TBC1D17: variants seen among roughly 807,000 people sequenced by gnomAD.
The protein encoded by TBC1D17 is TBC1 domain family, member 17.
TBC1D17 carries 69 observed loss-of-function variants against 78.8 expected under a neutral mutation model. The ratio of observed to expected loss-of-function variants is 0.88; its 90% CI spans 0.72 to 1.07. The LOEUF is 1.07. Ranked by LOEUF, TBC1D17 falls within the 50% of genes least tolerant of loss-of-function variation. The probability of loss-of-function intolerance (pLI) is 0.00; values close to 1 mark genes in which losing one functional copy is unlikely to be tolerated. For missense variants in TBC1D17, 957 were observed against 861.0 expected, an observed-to-expected ratio of 1.11 and a Z score of -1.39; for synonymous variants, 456 against 358.3, an observed-to-expected ratio of 1.27 and a Z score of -3.08.
intron 10 of TBC1D17, 51 bp from the exon 11 acceptor site, chr19:49,884,202 A>C (rs1370626915): frequency 6.5e-7 from 1 of 1,547,352 alleles, no homozygotes; most frequent in Admixed American, 1.7e-5. Context: ...GCCAGCAGGG[A>C]TGGGCCCCCC....
intron 13 of TBC1D17, among the ~76,000 whole-genome samples, chr19:49,886,170 C>G (rs1307317273): frequency 1.3e-5 from 2 of 151,912 alleles, no homozygotes; most frequent in African/African-American, 4.8e-5. Context: ...ATCCCAGCTA[C>G]TCAGGAGGCT....
Position 49,888,628 on chromosome 19 carries a change from C to G in TBC1D17, c.*4C>G. On this transcript the variant is annotated 3_prime_UTR_variant, in exon 17 of 17. Transcript: ENST00000221543. Reference sequence around the variant, plus strand: ...GGACGAGGGCGCCGACTCCTAACCCCGCCAGGCAGCCTCGTTCTGCACAGG... The same window carrying G: ...GGACGAGGGCGCCGACTCCTAACCCGGCCAGGCAGCCTCGTTCTGCACAGG... 1 of 1,532,892 alleles carries G rather than the reference C, an allele frequency of 6.5e-7. No individual in the cohort carries two copies. Among genetic ancestry groups the G allele is most frequent in the Non-Finnish European group, 8.7e-7 (1 of 1,144,636 alleles). 95.0% of individuals were successfully genotyped at this position (1,532,892 alleles called of 1,614,324 possible). A position where few individuals can be genotyped will look rare whatever the true frequency, so the allele number is the denominator to read the frequency against.
At position 49,884,708 on chromosome 19, in the gene TBC1D17, G is replaced by GACTGCT; in HGVS notation, c.1395_1400dup (p.Leu469_Leu470dup). 1 of 1,614,078 alleles carries GACTGCT rather than the reference G, an allele frequency of 6.2e-7. No individual in the cohort carries two copies. Among genetic ancestry groups the GACTGCT allele is most frequent in the Non-Finnish European group, 8.5e-7 (1 of 1,180,028 alleles). On this transcript the variant is annotated inframe_insertion, in exon 13 of 17. Coordinates refer to ENST00000221543, the MANE Select transcript of TBC1D17 (RefSeq NM_024682.3). ...GAGACCATGAAGCGGCAACTCGGGC[G>GACTGCT]ACTGCTGCTGCTCCTGAGGGTGCTG...
In TBC1D17 at chr19:49,882,154, T is replaced by G; in HGVS notation, c.639+2T>G. ...CAGGACAGCTCCAATGTGGTGTCAG[T>G]GAGTGTCCCCAGCAGGAGGCCTGGC... On this transcript the variant is annotated splice_donor_variant, in intron 6 of 16. Transcript: ENST00000221543. LOFTEE classifies it high-confidence loss of function. The G allele has an allele frequency of 6.2e-7, 1 of 1,613,998 alleles. No individual in the cohort carries two copies. The highest frequency in any genetic ancestry group is 8.5e-7 in the Non-Finnish European group (1 of 1,179,980).
In TBC1D17 at chr19:49,878,182, G is replaced by A. The variant is rs1184171911; in HGVS notation, c.61G>A (p.Ala21Thr). Residue 21 changes from alanine (A) to threonine (T), a missense_variant, in exon 2 of 17, where the codon GCT becomes ACT. Physicochemically the swap from Ala to Thr is moderately conservative, Grantham distance 58. Coordinates refer to ENST00000221543, the MANE Select transcript of TBC1D17 (RefSeq NM_024682.3). ...GGGCGGAGTGTACCTGCACACCAGC[G>A]CTAAGAAGTATCAGGACCGAGACTC... The part of the protein sequence containing the change: ...EKGGVYLHTS[A>T]KKYQDRDSLI... The A allele has an allele frequency of 2.5e-6, 4 of 1,576,090 alleles. No individual in the cohort carries two copies. The highest frequency in any genetic ancestry group is 2.4e-5 in the East Asian group (1 of 42,224).
chr19:49,882,939 C>A (rs767131612), intron 8 of TBC1D17, 34 bp from the exon 9 acceptor site: 42 of 1,596,478 alleles, frequency 2.6e-5, no homozygotes, highest in Non-Finnish European at 3.5e-5. Context: ...CAGAACAAGG[C>A]CCCACTGAGC....
In TBC1D17 at chr19:49,882,288, G is replaced by T; in HGVS notation, c.686G>T (p.Arg229Leu). The T allele has an allele frequency of 6.2e-7, 1 of 1,612,214 alleles. No individual in the cohort carries two copies. The highest frequency in any genetic ancestry group is 8.5e-7 in the Non-Finnish European group (1 of 1,180,002). Residue 229 changes from arginine (R) to leucine (L), a missense_variant, in exon 7 of 17, where the codon CGA (arginine) becomes CTA (leucine). Coordinates refer to ENST00000221543, the MANE Select transcript of TBC1D17 (RefSeq NM_024682.3). Reference sequence around the variant, plus strand: ...TCCACCACCTTCAGCAGCTTCTCCCGAGTGACCAACTTCTTCCGGGGTGCC... The same window carrying T: ...TCCACCACCTTCAGCAGCTTCTCCCTAGTGACCAACTTCTTCCGGGGTGCC... The part of the protein sequence containing the change: ...PYSTTFSSFS[R>L]VTNFFRGALQ...
chr19:49,886,954 C>G (rs935054245), intron 13 of TBC1D17: 1 of 173,084 alleles, frequency 5.8e-6, no homozygotes, highest in Non-Finnish European at 1.2e-5. Context: ...TGGCACCATC[C>G]CAGCTAATTT....
In TBC1D17 at chr19:49,887,695, C is replaced by T. The variant is rs553154464; in HGVS notation, c.1543-23C>T. 1.4e-4 allele frequency: 223 copies of T among 1,612,152 alleles called. 6 individuals are homozygous for T. The South Asian group carries it at 2.4e-3, about 17-fold the overall frequency. On this transcript the variant is annotated intron_variant, in intron 14 of 16. Coordinates refer to ENST00000221543, the MANE Select transcript of TBC1D17 (RefSeq NM_024682.3). Reference sequence around the variant, plus strand: ...CCAGGCTGGGCTATGACCTCCCTCCCTCCCTCTGTCCCGCACCCTCAGGTG... The same window carrying T: ...CCAGGCTGGGCTATGACCTCCCTCCTTCCCTCTGTCCCGCACCCTCAGGTG...
rs545308609 is a variant in TBC1D17, at chr19:49,878,021, G to T, written c.22-122G>T. On this transcript the variant is annotated intron_variant, in intron 1 of 16. Coordinates refer to ENST00000221543, the MANE Select transcript of TBC1D17 (RefSeq NM_024682.3). Reference sequence around the variant, plus strand: ...GGACCATTCTCCCCGCCTTGGTCCCGGGGCAATGGCCCTCCCGGCCCCGCC... The same window carrying T: ...GGACCATTCTCCCCGCCTTGGTCCCTGGGCAATGGCCCTCCCGGCCCCGCC... The T allele has an allele frequency of 3.1e-5, 26 of 843,112 alleles. No individual in the cohort carries two copies. In the South Asian group the frequency reaches 4.6e-4, roughly 15 times the overall value. The allele number at this position is 843,112 out of a possible 1,614,324, so 52.2% of individuals were successfully genotyped here. A position where few individuals can be genotyped will look rare whatever the true frequency, so the allele number is the denominator to read the frequency against.
At chr19:49,886,164 C>T (rs1044010817) in intron 13 of TBC1D17, among the ~76,000 whole-genome samples, 15 of 151,904 alleles carry the variant, frequency 9.9e-5, no homozygotes, top group African/African-American at 3.6e-4. Context: ...CCTGTAATCC[C>T]AGCTACTCAG....
chr19:49,887,104 T>G (rs2075064658), intron 13 of TBC1D17: 1 of 280,492 alleles, frequency 3.6e-6, no homozygotes, highest in Non-Finnish European at 7.0e-6. Flanking sequence ...CCCAAAGTGC[T>G]GGGGTTACAG....
Position 49,884,445 on chromosome 19 carries a change from C to T in TBC1D17, c.1244-14C>T, listed in dbSNP as rs1183917252. 1.2e-6 allele frequency: 2 copies of T among 1,613,988 alleles called. No individual in the cohort carries two copies. The highest frequency in any genetic ancestry group is 3.3e-5 in the Admixed American group (2 of 60,020). On this transcript the variant is annotated splice_polypyrimidine_tract_variant and intron_variant, in intron 11 of 16. Transcript: ENST00000221543. ...CTGCGGGCTTGGCTGCAGCCTGACC[C>T]CATGTCCCCCCAGGCTACGTCCAGG...
chr19:49,878,646 A>T, intron 3 of TBC1D17, 74 bp downstream of exon 3: 1 of 1,423,648 alleles, frequency 7.0e-7, no homozygotes, highest in Non-Finnish European at 9.9e-7. Context: ...CATTTGAGGG[A>T]CCTGCGTACA....
Position 49,887,456 on chromosome 19 carries a change from G to A in TBC1D17, c.1445-20G>A, listed in dbSNP as rs1331058425. On this transcript the variant is annotated intron_variant, in intron 13 of 16. Transcript: ENST00000221543. ...TCCCAGCGCTGGGCAAGGCTGAGTG[G>A]GCTCCATGTCATCCCCCAGATTCCC... The A allele has an allele frequency of 3.1e-6, 5 of 1,611,534 alleles. No homozygotes were observed. The highest frequency in any genetic ancestry group is 3.4e-6 in the Non-Finnish European group (4 of 1,178,262).
chr19:49,883,281 C>G (rs2075032014), intron 9 of TBC1D17, among the ~76,000 whole-genome samples: 1 of 152,206 alleles, frequency 6.6e-6, no homozygotes. Flanking sequence ...CTGTGCCATA[C>G]TGTTTTAATG....
rs1568679183 is a variant in TBC1D17 at position 49,887,863 on chromosome 19, T to C, written c.1659+29T>C. 5 of 1,548,904 alleles carry C rather than the reference T, an allele frequency of 3.2e-6. No homozygotes were observed. The East Asian group carries it at 1.1e-4, about 35-fold the overall frequency. ...AGGCTCCGGCCCCGCCCCCGCCCTGTCCCCCCTGAGCTGGGCGCTGCCCAG... is the reference window on the plus strand; with the variant it reads ...AGGCTCCGGCCCCGCCCCCGCCCTGCCCCCCCTGAGCTGGGCGCTGCCCAG... On this transcript the variant is annotated intron_variant, in intron 15 of 16. Coordinates refer to ENST00000221543, the MANE Select transcript of TBC1D17 (RefSeq NM_024682.3).
In TBC1D17 at chr19:49,880,347, C is replaced by T. The variant is rs2075002455; in HGVS notation, c.264C>T (p.Asp88=). 5.0e-6 allele frequency: 8 copies of T among 1,614,004 alleles called. No homozygotes were observed. Among genetic ancestry groups the T allele is most frequent in the Non-Finnish European group, 6.8e-6 (8 of 1,180,026 alleles). The change falls in exon 4 of 17, where the codon GAC becomes GAT. Residue 88 remains aspartate, a synonymous_variant. Coordinates refer to ENST00000221543, the MANE Select transcript of TBC1D17 (RefSeq NM_024682.3). ...CCTTTGACCCCGGCTATGAACCTGA[C>T]TGGGCTGTCATCAGCACTGTGCGGC... ...EPTFDPGYEP[D]WAVISTVRPQ...
rs771318924 is a variant in TBC1D17 at position 49,881,293 on chromosome 19, C to T, written c.345C>T (p.Gly115=). ...TRGAEPSCPQ[G]SWAFSVSLGE... ...GTGCAGAGCCCAGCTGCCCCCAGGG[C>T]TCCTGGGCCTTCTCAGTGAGTCTGG... Residue 115 remains glycine, a synonymous_variant, in exon 5 of 17, where the codon GGC becomes GGT. Coordinates refer to ENST00000221543, the MANE Select transcript of TBC1D17 (RefSeq NM_024682.3). 1.2e-6 allele frequency: 2 copies of T among 1,613,136 alleles called. No homozygotes were observed. The highest frequency in any genetic ancestry group is 1.7e-6 in the Non-Finnish European group (2 of 1,179,948).
Sources: gnomAD v4.1 joint callset for allele counts (sites outside exome capture counted in the v4.1 genomes callset) on GRCh38, gnomAD v4.1.1 for gene constraint, MANE v1.5 for transcripts, NCBI Gene and HGNC (gene_info 2026-07-23, HGNC 2026-07-21) for gene names.